ID1: variants seen among roughly 807,000 people sequenced by gnomAD.
ID1 encodes inhibitor of DNA binding 1.
In ID1, 8 loss-of-function variants were observed where a neutral mutation model predicts 11.3. The observed-to-expected ratio is 0.71, with a 90% confidence interval of 0.42 to 1.28. ID1 has a LOEUF of 1.28. Ranked by LOEUF, ID1 falls within the 50% of genes most tolerant of loss-of-function variation. The pLI, the probability that ID1 is intolerant of heterozygous loss-of-function variation, is 0.01. For synonymous variants in ID1, 176 were observed against 100.2 expected (o/e 1.76, Z -4.52); for missense variants, 347 against 219.8 (o/e 1.58, Z -3.66).
At position 31,606,254 on chromosome 20, in the gene ID1, T is replaced by C; in HGVS notation, c.*160T>C. On this transcript the variant is annotated 3_prime_UTR_variant, in exon 2 of 2. Transcript: ENST00000376112. ...ACTGCATCCAGCCTGGGGCTGAGGC[T>C]GAGGCACTGGCGAGGAGAGGGCGCT... 1 of 733,624 alleles carries C rather than the reference T, an allele frequency of 1.4e-6. No individual in the cohort carries two copies. The highest frequency in any genetic ancestry group is 2.7e-5 in the East Asian group (1 of 36,878). The allele number at this position is 733,624 out of a possible 1,614,324, so 45.4% of individuals were successfully genotyped here.
chr20:31,605,810 C>A lies in ID1; in HGVS notation c.423C>A (p.Ala141=). 1 of 1,611,428 alleles carries A rather than the reference C, an allele frequency of 6.2e-7. No individual in the cohort carries two copies. The change falls in exon 1 of 2, where the codon GCC becomes GCA. Residue 141 remains alanine (A), a synonymous_variant. Transcript: ENST00000376112. ...ACGGCGAGATCAGCGCCCTGACGGC[C>A]GAGGTGAGATCCAGATCCGACCACT... ...TLNGEISALT[A]EAACVPADDR...
chr20:31,606,217 A>AC lies in ID1; in HGVS notation c.*124dup. 9.5e-7 allele frequency: 1 copy of AC among 1,051,576 alleles called. No individual in the cohort carries two copies. The highest frequency in any genetic ancestry group is 2.6e-5 in the East Asian group (1 of 38,784). 65.1% of individuals were successfully genotyped at this position (1,051,576 alleles called of 1,614,324 possible). ...GGGAGAACAAGACCGATCGGCGGCC[A>AC]CTGCGCCCTTAACTGCATCCAGCCT... On this transcript the variant is annotated 3_prime_UTR_variant, in exon 2 of 2. Coordinates refer to ENST00000376112, the MANE Select transcript of ID1 (RefSeq NM_002165.4).
At chr20:31,605,854 CG>C (rs1568819767) in intron 1 of ID1, 41 bp downstream of exon 1, 1 of 1,598,224 alleles carries the variant, frequency 6.3e-7, no homozygotes, top group Non-Finnish European at 8.5e-7. Flanking sequence ...CTTATACCGA[CG>C]GGGAAACGGA....
Position 31,605,520 on chromosome 20 carries a change from T to C in ID1, c.133T>C (p.Cys45Arg), listed in dbSNP as rs376198900. 6.4e-7 allele frequency: 1 copy of C among 1,573,320 alleles called. No homozygotes were observed. Among genetic ancestry groups the C allele is most frequent in the Non-Finnish European group, 8.6e-7 (1 of 1,157,528 alleles). The change falls in exon 1 of 2, where the codon TGC becomes CGC. Residue 45 changes from cysteine (C) to arginine (R), a missense_variant. Transcript: ENST00000376112. The part of the protein sequence containing the change: ...LSEQSVAISR[C>R]AGGAGARLPA... Reference sequence around the variant, plus strand: ...TGAGCAGAGCGTGGCCATCTCGCGCTGCGCCGGGGGCGCCGGGGCGCGCCT... The same window carrying C: ...TGAGCAGAGCGTGGCCATCTCGCGCCGCGCCGGGGGCGCCGGGGCGCGCCT...
Position 31,606,364 on chromosome 20 carries a change from T to C in ID1, c.*270T>C, listed in dbSNP as rs1986113524. On this transcript the variant is annotated 3_prime_UTR_variant, in exon 2 of 2. Transcript: ENST00000376112. ...TTCTATTTTTTGAAAAGCAGACATT[T>C]TAAAAAATGGTCACGTTTGGTGCTT... 1.1e-5 allele frequency: 6 copies of C among 548,606 alleles called. No individual in the cohort carries two copies. The East Asian group carries it at 1.8e-4, about 17-fold the overall frequency. 34.0% of individuals were successfully genotyped at this position (548,606 alleles called of 1,614,324 possible).
chr20:31,606,320 T>A lies in ID1; in HGVS notation c.*226T>A. On this transcript the variant is annotated 3_prime_UTR_variant, in exon 2 of 2. Transcript: ENST00000376112. ...ACTAGTCACCAGAGACTTTAGGGGG[T>A]GGGATTCCACTCGTGTGTTTCTATT... is the stretch of plus-strand genomic sequence containing the variant. 1.7e-6 allele frequency: 1 copy of A among 580,500 alleles called. No homozygotes were observed. The highest frequency in any genetic ancestry group is 2.3e-5 in the South Asian group (1 of 42,960). 36.0% of individuals were successfully genotyped at this position (580,500 alleles called of 1,614,324 possible). A position where few individuals can be genotyped will look rare whatever the true frequency, so the allele number is the denominator to read the frequency against.
In ID1 at chr20:31,605,655, A is replaced by C; in HGVS notation, c.268A>C (p.Ser90Arg). 1 of 1,606,814 alleles carries C rather than the reference A, an allele frequency of 6.2e-7. No homozygotes were observed. Among genetic ancestry groups the C allele is most frequent in the Non-Finnish European group, 8.5e-7 (1 of 1,176,704 alleles). Residue 90 changes from serine to arginine, a missense_variant, in exon 1 of 2, where the codon AGC becomes CGC. Physicochemically the swap from Ser to Arg is moderately radical, Grantham distance 110. Coordinates refer to ENST00000376112, the MANE Select transcript of ID1 (RefSeq NM_002165.4). ...VPTLPQNRKVSKVEILQHVID... is the reference protein window; with the variant it reads ...VPTLPQNRKVRKVEILQHVID... Reference sequence around the variant, plus strand: ...CACCCTGCCCCAGAACCGCAAGGTGAGCAAGGTGGAGATTCTCCAGCACGT... The same window carrying C: ...CACCCTGCCCCAGAACCGCAAGGTGCGCAAGGTGGAGATTCTCCAGCACGT...
In ID1 at chr20:31,605,533, C is replaced by G. The variant is rs1008672578; in HGVS notation, c.146C>G (p.Ala49Gly). 8.3e-6 allele frequency: 13 copies of G among 1,558,586 alleles called. No individual in the cohort carries two copies. In the Admixed American group the frequency reaches 2.3e-4, roughly 28 times the overall value. ...SVAISRCAGG[A>G]GARLPALLDE... ...GCCATCTCGCGCTGCGCCGGGGGCG[C>G]CGGGGCGCGCCTGCCTGCCCTGCTG... is the stretch of plus-strand genomic sequence containing the variant. Residue 49 changes from alanine to glycine, a missense_variant, in exon 1 of 2, where the codon GCC becomes GGC. Coordinates refer to ENST00000376112, the MANE Select transcript of ID1 (RefSeq NM_002165.4).
At position 31,605,322 on chromosome 20, in the gene ID1, C is replaced by A; in HGVS notation, c.-66C>A. 2 of 1,439,320 alleles carry A rather than the reference C, an allele frequency of 1.4e-6. No homozygotes were observed. Among genetic ancestry groups the A allele is most frequent in the Non-Finnish European group, 1.9e-6 (2 of 1,062,606 alleles). The allele number at this position is 1,439,320 out of a possible 1,614,324, so 89.2% of individuals were successfully genotyped here. A position where few individuals can be genotyped will look rare whatever the true frequency, so the allele number is the denominator to read the frequency against. On this transcript the variant is annotated 5_prime_UTR_variant, in exon 1 of 2. In the 5' UTR this introduces an upstream ATG that the reference lacks. Coordinates refer to ENST00000376112, the MANE Select transcript of ID1 (RefSeq NM_002165.4). ...TTCTTAACTGTTCCATTTTCCGTAT[C>A]TGCTTCGGGCTTCCACCTCATTTTT...
In ID1 at chr20:31,605,478, G is replaced by A. The variant is rs1373058137; in HGVS notation, c.91G>A (p.Val31Met). The change falls in exon 1 of 2, where the codon GTG becomes ATG. Residue 31 changes from valine (V) to methionine (M), a missense_variant. Transcript: ENST00000376112. The stretch of plus-strand genomic sequence containing the variant: ...CAAGACAGCGAGCGGTGCGGGCGAG[G>A]TGGTGCGCTGTCTGTCTGAGCAGAG... Reference protein sequence around the residue: ...AGKTASGAGEVVRCLSEQSVA... With the variant: ...AGKTASGAGEMVRCLSEQSVA... 5 of 1,607,216 alleles carry A rather than the reference G, an allele frequency of 3.1e-6. No homozygotes were observed. Among genetic ancestry groups the A allele is most frequent in the East Asian group, 2.2e-5 (1 of 44,722 alleles).
chr20:31,605,937 C>T (rs1432842845), intron 1 of ID1, 116 bp from the exon 2 acceptor site: 23 of 1,591,860 alleles, frequency 1.4e-5, no homozygotes, highest in Non-Finnish European at 1.9e-5. Context: ...GCGGGGGTGC[C>T]TAAGGAGCCT....
Position 31,605,328 on chromosome 20 carries a change from C to G in ID1, c.-60C>G. 6 of 1,474,482 alleles carry G rather than the reference C, an allele frequency of 4.1e-6. No homozygotes were observed. Among genetic ancestry groups the G allele is most frequent in the East Asian group, 2.4e-5 (1 of 42,050 alleles). The allele number at this position is 1,474,482 out of a possible 1,614,324, so 91.3% of individuals were successfully genotyped here. On this transcript the variant is annotated 5_prime_UTR_variant, in exon 1 of 2. Coordinates refer to ENST00000376112, the MANE Select transcript of ID1 (RefSeq NM_002165.4). ...ACTGTTCCATTTTCCGTATCTGCTT[C>G]GGGCTTCCACCTCATTTTTTTCGCT...
At position 31,605,738 on chromosome 20, in the gene ID1, C is replaced by G; in HGVS notation, c.351C>G (p.Thr117=). 1 of 1,610,676 alleles carries G rather than the reference C, an allele frequency of 6.2e-7. No homozygotes were observed. Among genetic ancestry groups the G allele is most frequent in the Non-Finnish European group, 8.5e-7 (1 of 1,178,566 alleles). The part of the protein sequence containing the change: ...LELNSESEVG[T]PGGRGLPVRA... The stretch of plus-strand genomic sequence containing the variant: ...TGAACTCGGAATCCGAAGTTGGAAC[C>G]CCCGGGGGCCGAGGGCTGCCGGTCC... The change falls in exon 1 of 2, where the codon ACC becomes ACG. Residue 117 remains threonine, a synonymous_variant. Transcript: ENST00000376112.
rs563953925 is a variant in ID1, at chr20:31,605,331, G to T, written c.-57G>T. 33 of 1,493,378 alleles carry T rather than the reference G, an allele frequency of 2.2e-5. No homozygotes were observed. The highest frequency in any genetic ancestry group is 2.9e-5 in the Non-Finnish European group (32 of 1,104,396). 92.5% of individuals were successfully genotyped at this position (1,493,378 alleles called of 1,614,324 possible). A position where few individuals can be genotyped will look rare whatever the true frequency, so the allele number is the denominator to read the frequency against. On this transcript the variant is annotated 5_prime_UTR_variant, in exon 1 of 2. Transcript: ENST00000376112. ...GTTCCATTTTCCGTATCTGCTTCGG[G>T]CTTCCACCTCATTTTTTTCGCTTTG...
At position 31,605,527 on chromosome 20, in the gene ID1, G is replaced by T. The variant is rs760422390; in HGVS notation, c.140G>T (p.Gly47Val). The T allele has an allele frequency of 6.4e-7, 1 of 1,559,396 alleles. No individual in the cohort carries two copies. The highest frequency in any genetic ancestry group is 8.7e-7 in the Non-Finnish European group (1 of 1,149,810). Residue 47 changes from glycine to valine, a missense_variant, in exon 1 of 2, where the codon GGG becomes GTG. Physicochemically the swap from Gly to Val is moderately radical, Grantham distance 109 (BLOSUM62 -3). Coordinates refer to ENST00000376112, the MANE Select transcript of ID1 (RefSeq NM_002165.4). ...AGCGTGGCCATCTCGCGCTGCGCCG[G>T]GGGCGCCGGGGCGCGCCTGCCTGCC... ...EQSVAISRCAGGAGARLPALL... is the reference protein window; with the variant it reads ...EQSVAISRCAVGAGARLPALL...
Position 31,605,307 on chromosome 20 carries a change from T to G in ID1, c.-81T>G, listed in dbSNP as rs6060263. The G allele has an allele frequency of 2.3e-6, 3 of 1,319,438 alleles. No individual in the cohort carries two copies. The highest frequency in any genetic ancestry group is 2.4e-5 in the East Asian group (1 of 40,818). The allele number at this position is 1,319,438 out of a possible 1,614,324, so 81.7% of individuals were successfully genotyped here. A position where few individuals can be genotyped will look rare whatever the true frequency, so the allele number is the denominator to read the frequency against. On this transcript the variant is annotated 5_prime_UTR_variant, in exon 1 of 2. Transcript: ENST00000376112. ...CACTCTCATTCCACGTTCTTAACTG[T>G]TCCATTTTCCGTATCTGCTTCGGGC...
Position 31,606,399 on chromosome 20 carries a change from C to T in ID1, c.*305C>T. 4.0e-6 allele frequency: 2 copies of T among 500,984 alleles called. No homozygotes were observed. The highest frequency in any genetic ancestry group is 7.3e-6 in the Non-Finnish European group (2 of 272,944). The allele number at this position is 500,984 out of a possible 1,614,324, so 31.0% of individuals were successfully genotyped here. On this transcript the variant is annotated 3_prime_UTR_variant, in exon 2 of 2. Transcript: ENST00000376112. ...GTCACGTTTGGTGCTTCTCAGATTT[C>T]TGAGGAAATTGCTTTGTATTGTATA...
rs1986107706 is a variant in ID1, at chr20:31,606,265, C to CT, written c.*171_*172insT. 6 of 680,350 alleles carry CT rather than the reference C, an allele frequency of 8.8e-6. No individual in the cohort carries two copies. Among genetic ancestry groups the CT allele is most frequent in the Middle Eastern group, 3.9e-4 (1 of 2,536 alleles). 42.1% of individuals were successfully genotyped at this position (680,350 alleles called of 1,614,324 possible). A position where few individuals can be genotyped will look rare whatever the true frequency, so the allele number is the denominator to read the frequency against. On this transcript the variant is annotated 3_prime_UTR_variant, in exon 2 of 2. Coordinates refer to ENST00000376112, the MANE Select transcript of ID1 (RefSeq NM_002165.4). ...CCTGGGGCTGAGGCTGAGGCACTGG[C>CT]GAGGAGAGGGCGCTCCTCTCTGCAC...
intron 1 of ID1, 70 bp from the exon 2 acceptor site, chr20:31,605,983 G>A (rs1986092835): frequency 3.7e-6 from 6 of 1,610,990 alleles, no homozygotes; most frequent in Admixed American, 3.3e-5. Context: ...TCCTGGGGAA[G>A]GGGGCGTTCG....
Sources: gnomAD v4.1 joint callset for allele counts on GRCh38, gnomAD v4.1.1 for gene constraint, MANE v1.5 for transcripts, NCBI Gene and HGNC (gene_info 2026-07-23, HGNC 2026-07-21) for gene names.